Variants in PSMF1 observed in about 807,000 individuals in gnomAD.
PSMF1 encodes proteasome inhibitor subunit 1, also known as proteasome inhibitor PI31 subunit.
In PSMF1, 30 loss-of-function variants were observed where a neutral mutation model predicts 29.3. That is an observed-to-expected ratio of 1.02 (90% CI 0.77 to 1.39). The LOEUF (loss-of-function observed/expected upper bound fraction) is 1.39. Among genes scored for constraint, PSMF1 ranks in the 40% most tolerant of loss-of-function variants. The pLI is 0.00. For synonymous variants in PSMF1, 134 were observed against 139.7 expected (o/e 0.96, Z 0.29); for missense variants, 344 against 357.5 (o/e 0.96, Z 0.31).
chr20:1,128,080 A>G (rs529746840), intron 3 of PSMF1, among the ~76,000 whole-genome samples: 1 of 152,300 alleles, frequency 6.6e-6, no homozygotes, highest in African/African-American at 2.4e-5. Flanking sequence ...CAAACAGATG[A>G]GAATGTGTGT....
Position 1,166,134 on chromosome 20 carries a change from C to CT in PSMF1, c.*1055dup. 7 of 1,569,518 alleles carry CT rather than the reference C, an allele frequency of 4.5e-6. No individual in the cohort carries two copies. Among genetic ancestry groups the CT allele is most frequent in the Middle Eastern group, 1.7e-4 (1 of 5,944 alleles). ...CAGAGCACAGGAGCATGGGCTGCCT[C>CT]TGAGTGTGGTGTTGAACTTCGGGAG... On this transcript the variant is annotated 3_prime_UTR_variant, in exon 7 of 7. Transcript: ENST00000335877.
At position 1,169,097 on chromosome 20, in the gene PSMF1, G is replaced by A. The variant is rs562241783; in HGVS notation, c.*4017G>A. On this transcript the variant is annotated 3_prime_UTR_variant, in exon 7 of 7. Transcript: ENST00000335877. The stretch of plus-strand genomic sequence containing the variant: ...ATGTGATCCTGCTGCTCTCTGGACC[G>A]TAACCTTTTTGGTTACAAAAGGTAA... 5.6e-3 allele frequency among the ~76,000 whole-genome samples: 852 copies of A among 152,194 alleles called. 6 individuals are homozygous for A. Among genetic ancestry groups the A allele is most frequent in the African/African-American group, 0.019 (790 of 41,526 alleles).
Position 1,118,833 on chromosome 20 carries a change from C to T in PSMF1, c.60C>T (p.Asp20=), listed in dbSNP as rs2086043780. 4.3e-6 allele frequency: 7 copies of T among 1,613,444 alleles called. No homozygotes were observed. Among genetic ancestry groups the T allele is most frequent in the Non-Finnish European group, 5.9e-6 (7 of 1,179,490 alleles). ...SAAPAITCRQ[D]ALVCFLHWEV... is the part of the protein sequence containing the mutation. ...CGCCGGCCATCACCTGCAGGCAGGA[C>T]GCGCTCGTCTGCTTCTTGCATTGGG... The change falls in exon 1 of 7, where the codon GAC becomes GAT. Residue 20 remains aspartate, a synonymous_variant. Coordinates refer to ENST00000335877, the MANE Select transcript of PSMF1 (RefSeq NM_006814.5).
chr20:1,139,731 C>T (rs1342649798), intron 4 of PSMF1, among the ~76,000 whole-genome samples: 34 of 121,856 alleles, frequency 2.8e-4, no homozygotes, highest in African/African-American at 9.6e-4. Flanking sequence ...GGCAACAGAG[C>T]GAGACTCCAT....
rs552608682 is a variant in PSMF1 at position 1,138,540 on chromosome 20, A to G, written c.551+3234A>G. 4.0e-5 allele frequency among the ~76,000 whole-genome samples: 6 copies of G among 150,320 alleles called. No homozygotes were observed. The South Asian group carries it at 1.3e-3, about 32-fold the overall frequency. ...TCTCAAAAAAAAAAAAAAAAAATAC[A>G]ACAAAGGATAAAAACTACATGTTCA... is the stretch of plus-strand genomic sequence containing the variant. On this transcript the variant is annotated intron_variant, in intron 4 of 6. Coordinates refer to ENST00000335877, the MANE Select transcript of PSMF1 (RefSeq NM_006814.5).
intron 4 of PSMF1, among the ~76,000 whole-genome samples, chr20:1,136,508 TA>T (rs2086308734): frequency 6.6e-6 from 1 of 152,230 alleles, no homozygotes; most frequent in South Asian, 2.1e-4. Context: ...TTCTGTGAAA[TA>T]TCCCTTACTA....
intron 4 of PSMF1, among the ~76,000 whole-genome samples, chr20:1,154,888 G>C (rs1198539850): frequency 2.0e-5 from 3 of 152,224 alleles, no homozygotes; most frequent in Non-Finnish European, 4.4e-5. Flanking sequence ...CACACCCAGT[G>C]ATCAGCCACA....
chr20:1,151,456 T>C (rs1855574138), intron 4 of PSMF1, among the ~76,000 whole-genome samples: 1 of 152,216 alleles, frequency 6.6e-6, no homozygotes, highest in Non-Finnish European at 1.5e-5. Flanking sequence ...ATAGATACTA[T>C]TGTCTGTATT....
intron 4 of PSMF1, among the ~76,000 whole-genome samples, chr20:1,151,665 CCCTTTT>C (rs2086532488): frequency 6.6e-6 from 1 of 152,154 alleles, no homozygotes; most frequent in Non-Finnish European, 1.5e-5. Context: ...GGGCTAATTG[CCCTTTT>C]CATTCCAGAT....
rs1020328231 is a variant in PSMF1 at position 1,163,462 on chromosome 20, A to G, written c.605+279A>G. On this transcript the variant is annotated intron_variant, in intron 5 of 6. Coordinates refer to ENST00000335877, the MANE Select transcript of PSMF1 (RefSeq NM_006814.5). The surrounding 1 kb of genome is among the most constrained non-coding windows in gnomAD (Gnocchi z 6.1). ...CTGCCCACCCTAGTTTATCAGATGT[A>G]TAGTGAGGAGCACATGGTGGGCCTT... is the stretch of plus-strand genomic sequence containing the variant. Among the ~76,000 whole-genome samples the G allele has an allele frequency of 6.6e-6, 1 of 152,178 alleles. No homozygotes were observed. The highest frequency in any genetic ancestry group is 1.5e-5 in the Non-Finnish European group (1 of 68,026).
At chr20:1,136,236 C>T (rs886290583) in intron 4 of PSMF1, among the ~76,000 whole-genome samples, 2 of 151,876 alleles carry the variant, frequency 1.3e-5, no homozygotes, top group African/African-American at 4.8e-5. Flanking sequence ...CTTATTTTAC[C>T]AAAGGGAATA....
At chr20:1,156,134 A>G (rs1416517764) in intron 4 of PSMF1, among the ~76,000 whole-genome samples, 1 of 152,258 alleles carries the variant, frequency 6.6e-6, no homozygotes, top group African/African-American at 2.4e-5. Context: ...GAAAATTTAA[A>G]TCTCACTGCA....
In PSMF1 at chr20:1,164,684, C is replaced by T. The variant is rs1029944575; in HGVS notation, c.764+208C>T. On this transcript the variant is annotated intron_variant, in intron 6 of 6. Transcript: ENST00000335877. This position sits in a 1 kb window ranked among gnomAD's most constrained non-coding sequence, Gnocchi z 4.1. The stretch of plus-strand genomic sequence containing the variant: ...CTATCCCTCAGTGCCTCTCTTTCCC[C>T]AGCTCCACTCTGGGGAGGACTCAAA... 6.6e-6 allele frequency among the ~76,000 whole-genome samples: 1 copy of T among 152,156 alleles called. No individual in the cohort carries two copies. Among genetic ancestry groups the T allele is most frequent in the African/African-American group, 2.4e-5 (1 of 41,424 alleles).
Position 1,127,202 on chromosome 20 carries a change from C to T in PSMF1, c.283-224C>T. 4 of 701,412 alleles carry T rather than the reference C, an allele frequency of 5.7e-6. No individual in the cohort carries two copies. In the South Asian group the frequency reaches 6.1e-5, roughly 11 times the overall value. 43.4% of individuals were successfully genotyped at this position (701,412 alleles called of 1,614,324 possible). A position where few individuals can be genotyped will look rare whatever the true frequency, so the allele number is the denominator to read the frequency against. On this transcript the variant is annotated intron_variant, in intron 2 of 6. Coordinates refer to ENST00000335877, the MANE Select transcript of PSMF1 (RefSeq NM_006814.5). ...ATGCCTGAGCCCTTTTGCAAAAGAG[C>T]CTGGGAAGTAGGTGTTTTAGTCTCT...
chr20:1,139,757 A>AAAAAAAAAAG (rs57718820), intron 4 of PSMF1, among the ~76,000 whole-genome samples: 1 of 147,800 alleles, frequency 6.8e-6, no homozygotes. Context: ...AAAAAAAAAA[A>AAAAAAAAAAG]CGATAAAAAT....
intron 1 of PSMF1, among the ~76,000 whole-genome samples, chr20:1,123,138 A>G (rs981807910): frequency 1.3e-5 from 2 of 152,212 alleles, no homozygotes; most frequent in African/African-American, 2.4e-5. Flanking sequence ...CTTCAGGCCT[A>G]TGAATTTCAT....
Position 1,166,346 on chromosome 20 carries a change from C to T in PSMF1, c.*1266C>T. On this transcript the variant is annotated 3_prime_UTR_variant, in exon 7 of 7. Coordinates refer to ENST00000335877, the MANE Select transcript of PSMF1 (RefSeq NM_006814.5). Reference sequence around the variant, plus strand: ...GTAGTCACTTCCGCTCTGCAGCTAGCATTTCAACCATATGTGGATCCTTTC... The same window carrying T: ...GTAGTCACTTCCGCTCTGCAGCTAGTATTTCAACCATATGTGGATCCTTTC... 3 of 1,284,384 alleles carry T rather than the reference C, an allele frequency of 2.3e-6. No individual in the cohort carries two copies. The highest frequency in any genetic ancestry group is 2.4e-5 in the East Asian group (1 of 41,074). The allele number at this position is 1,284,384 out of a possible 1,614,324, so 79.6% of individuals were successfully genotyped here. A position where few individuals can be genotyped will look rare whatever the true frequency, so the allele number is the denominator to read the frequency against.
At chr20:1,155,182 A>C (rs1334111442) in intron 4 of PSMF1, among the ~76,000 whole-genome samples, 1 of 152,226 alleles carries the variant, frequency 6.6e-6, no homozygotes, top group Non-Finnish European at 1.5e-5. Context: ...GGAAATGAAC[A>C]TTGGCGTGGA....
In PSMF1 at chr20:1,163,563, T is replaced by C. The variant is rs1159874632; in HGVS notation, c.605+380T>C. 6.6e-6 allele frequency among the ~76,000 whole-genome samples: 1 copy of C among 152,200 alleles called. No homozygotes were observed. Among genetic ancestry groups the C allele is most frequent in the Non-Finnish European group, 1.5e-5 (1 of 68,038 alleles). On this transcript the variant is annotated intron_variant, in intron 5 of 6. Coordinates refer to ENST00000335877, the MANE Select transcript of PSMF1 (RefSeq NM_006814.5). This position sits in a 1 kb window ranked among gnomAD's most constrained non-coding sequence, Gnocchi z 6.1. Reference sequence around the variant, plus strand: ...CTGAGCCCCATTAGACTCTGGATGGTTCTTATGCATCCAACAAAGTTACTA... The same window carrying C: ...CTGAGCCCCATTAGACTCTGGATGGCTCTTATGCATCCAACAAAGTTACTA...
Sources: allele counts gnomAD v4.1 joint callset (sites outside exome capture counted in the v4.1 genomes callset), GRCh38; gene constraint gnomAD v4.1.1; non-coding constraint Gnocchi (gnomAD v3.1); transcripts MANE v1.5; gene names NCBI Gene and HGNC (gene_info 2026-07-23, HGNC 2026-07-21).